GRAMD4: variants seen among roughly 807,000 people sequenced by gnomAD.
GRAMD4 encodes GRAM domain-containing protein 4.
A neutral mutation model predicts 83.9 loss-of-function variants in GRAMD4; 25 were observed. The observed-to-expected ratio is 0.30, with a 90% CI of 0.22 to 0.42. GRAMD4 has a LOEUF of 0.42. GRAMD4 is among the 10% of genes least tolerant of loss of function. The pLI is 1.00. For synonymous variants in GRAMD4, 336 were observed against 320.9 expected, an observed-to-expected ratio of 1.05 and a Z score of -0.50; for missense variants, 593 against 788.7, an observed-to-expected ratio of 0.75 and a Z score of 2.97.
intron 3 of GRAMD4, among the ~76,000 whole-genome samples, chr22:46,654,988 GAGA>G (rs938100793): frequency 6.6e-6 from 1 of 152,226 alleles, no homozygotes; most frequent in Non-Finnish European, 1.5e-5. Context: ...GGACCCGTGA[GAGA>G]AGATGACAGA....
In GRAMD4 at chr22:46,664,045, C is replaced by G; in HGVS notation, c.645C>G (p.Val215=). ...MRRLKRGAKP[V]TNFVKNLSAL... is the part of the protein sequence containing the mutation. ...CCCCAGAGCGCGGTGCCAAGCCGGTCACTAACTTTGTGAAGAACCTCTCTG... is the reference window on the plus strand; with the variant it reads ...CCCCAGAGCGCGGTGCCAAGCCGGTGACTAACTTTGTGAAGAACCTCTCTG... Residue 215 remains valine (V), a synonymous_variant, in exon 8 of 19, where the codon GTC becomes GTG. Coordinates refer to ENST00000406902, the MANE Select transcript of GRAMD4 (RefSeq NM_015124.5). 6.2e-7 allele frequency: 1 copy of G among 1,613,446 alleles called. No individual in the cohort carries two copies. Among genetic ancestry groups the G allele is most frequent in the Middle Eastern group, 1.7e-4 (1 of 6,060 alleles).
upstream of GRAMD4, among the ~76,000 whole-genome samples, chr22:46,615,594 C>T (rs2081472966): frequency 8.1e-6 from 1 of 124,148 alleles, no homozygotes; most frequent in African/African-American, 3.2e-5. Flanking sequence ...TGTAGGTTCC[C>T]CCGTGTGTAG....
At chr22:46,593,892 T>A (rs1005863906) in intron 1 of GRAMD4, among the ~76,000 whole-genome samples, 2 of 151,594 alleles carry the variant, frequency 1.3e-5, no homozygotes, top group African/African-American at 4.8e-5. Flanking sequence ...CTGGGCTAAT[T>A]TTTGTATTTT....
intron 1 of GRAMD4, among the ~76,000 whole-genome samples, chr22:46,602,738 C>T (rs553303918): frequency 1.4e-5 from 2 of 147,478 alleles, no homozygotes; most frequent in East Asian, 2.0e-4. Context: ...GTTTGTTTTT[C>T]CTTTATCTTT....
At chr22:46,580,593 G>A (rs2081087820) in intron 1 of GRAMD4, among the ~76,000 whole-genome samples, 1 of 152,222 alleles carries the variant, frequency 6.6e-6, no homozygotes, top group Non-Finnish European at 1.5e-5. Context: ...GCCCTTGGCT[G>A]CTGGGGATAT....
chr22:46,658,452 G>A (rs563304371), intron 4 of GRAMD4, 145 bp downstream of exon 4: 151 of 760,666 alleles, frequency 2.0e-4, no homozygotes, highest in South Asian at 1.6e-3. Flanking sequence ...GGGTGGGCCC[G>A]GCTCTGACTG....
At chr22:46,677,062 G>A in intron 18 of GRAMD4, 85 bp from the exon 19 acceptor site, 1 of 1,520,918 alleles carries the variant, frequency 6.6e-7, no homozygotes, top group South Asian at 1.1e-5. Context: ...GCTGGCCTGG[G>A]GCTGGTGTTG....
At chr22:46,642,931 T>TCATCCATC (rs1188507885) in intron 3 of GRAMD4, among the ~76,000 whole-genome samples, 1 of 104,980 alleles carries the variant, frequency 9.5e-6, no homozygotes, top group Non-Finnish European at 2.0e-5. Context: ...AGGGATCCAT[T>TCATCCATC]CATCCATCCA....
intron 2 of GRAMD4, 87 bp downstream of exon 2, chr22:46,627,048 C>T (rs1406979021): frequency 6.7e-6 from 6 of 892,226 alleles, no homozygotes; most frequent in Non-Finnish European, 1.1e-5. Context: ...CAGGCAGATT[C>T]GTGTCCTGCC....
At chr22:46,664,646 G>T (rs77249524) in intron 8 of GRAMD4, among the ~76,000 whole-genome samples, 6,501 of 152,314 alleles carry the variant, frequency 0.043, 183 homozygotes, top group Non-Finnish European at 0.065. Flanking sequence ...AGCGGGACAG[G>T]AGACTTGCCA....
intron 4 of GRAMD4, 47 bp from the exon 5 acceptor site, chr22:46,661,334 G>A: frequency 1.3e-6 from 2 of 1,510,250 alleles, no homozygotes; most frequent in East Asian, 2.3e-5. Flanking sequence ...TGGGCATGGA[G>A]TTTGGAACTA....
intron 2 of GRAMD4, among the ~76,000 whole-genome samples, chr22:46,628,420 TGC>T: frequency 6.7e-6 from 1 of 149,860 alleles, no homozygotes; most frequent in Non-Finnish European, 1.5e-5. Context: ...ACTGAGTGTG[TGC>T]GTGGTGTCTG....
chr22:46,584,638 C>T (rs1602290321), intron 1 of GRAMD4, among the ~76,000 whole-genome samples: 2 of 152,236 alleles, frequency 1.3e-5, no homozygotes, highest in Non-Finnish European at 1.5e-5. Flanking sequence ...CCCTTGGCTT[C>T]GAGCCCGGGC....
intron 1 of GRAMD4, among the ~76,000 whole-genome samples, chr22:46,584,468 C>T (rs377281862): frequency 6.6e-6 from 1 of 152,166 alleles, no homozygotes; most frequent in Non-Finnish European, 1.5e-5. Context: ...CTGCATGGAT[C>T]TTTCTCGTCT....
At chr22:46,635,319 C>T (rs1161389681) in intron 2 of GRAMD4, among the ~76,000 whole-genome samples, 1 of 59,190 alleles carries the variant, frequency 1.7e-5, no homozygotes, top group African/African-American at 9.4e-5. Flanking sequence ...CCTGGGGGAC[C>T]GTGTCCTCCC....
At chr22:46,610,092 C>T (rs1391626153) in intron 1 of GRAMD4, among the ~76,000 whole-genome samples, 1 of 152,220 alleles carries the variant, frequency 6.6e-6, no homozygotes, top group Non-Finnish European at 1.5e-5. Context: ...CAAGCTTCTT[C>T]TGCCCCCAGG....
At chr22:46,656,440 C>T (rs1254390645) in intron 3 of GRAMD4, among the ~76,000 whole-genome samples, 10 of 152,196 alleles carry the variant, frequency 6.6e-5, no homozygotes, top group Admixed American at 5.9e-4. Flanking sequence ...TGCCTGGGCA[C>T]GGCCCCCTGC....
chr22:46,644,014 C>T (rs1169592830), intron 3 of GRAMD4, among the ~76,000 whole-genome samples: 1 of 152,242 alleles, frequency 6.6e-6, no homozygotes, highest in Non-Finnish European at 1.5e-5. Flanking sequence ...TAATTTTACA[C>T]TGTATTCTTC....
At chr22:46,619,208 G>A (rs893713969), upstream of GRAMD4, among the ~76,000 whole-genome samples, 1 of 152,214 alleles carries the variant, frequency 6.6e-6, no homozygotes, top group African/African-American at 2.4e-5. Flanking sequence ...GGCTGGAAGG[G>A]CAGGATCTGC....
Sources: allele counts gnomAD v4.1 joint callset (sites outside exome capture counted in the v4.1 genomes callset), GRCh38; gene constraint gnomAD v4.1.1; transcripts MANE v1.5; gene names NCBI Gene and HGNC (gene_info 2026-07-23, HGNC 2026-07-21).